The following IMMP1L variants were observed in gnomAD, a reference collection of about 807,000 sequenced individuals.
IMMP1L encodes the protein mitochondrial inner membrane protease subunit 1.
IMMP1L carries 24 observed loss-of-function variants against 21.8 expected under a neutral mutation model. The observed-to-expected ratio is 1.10, with a 90% CI of 0.80 to 1.55. The LOEUF (loss-of-function observed/expected upper bound fraction) is 1.55, where lower values mean the gene tolerates loss of function less well. Ranked by LOEUF, IMMP1L falls within the 40% of genes most tolerant of loss-of-function variation. IMMP1L has a pLI of 0.00. For missense variants in IMMP1L, 195 were observed against 200.7 expected (o/e 0.97, Z 0.17); for synonymous variants, 46 against 62.8 (o/e 0.73, Z 1.26).
intron 5 of IMMP1L, 81 bp from the exon 6 acceptor site, chr11:31,432,649 C>G: frequency 1.1e-6 from 1 of 930,028 alleles, no homozygotes; most frequent in East Asian, 2.4e-5. Flanking sequence ...CTATCTGTCC[C>G]TTTTCTCTAT....
intron 1 of IMMP1L, among the ~76,000 whole-genome samples, chr11:31,498,749 T>C (rs1220205401): frequency 2.0e-5 from 3 of 152,224 alleles, no homozygotes. Context: ...TTACGAGCTT[T>C]CTGACCTAGA....
chr11:31,460,541 A>G (rs1345606077), intron 3 of IMMP1L, 85 bp downstream of exon 3: 2 of 736,382 alleles, frequency 2.7e-6, no homozygotes, highest in Non-Finnish European at 4.6e-6. Flanking sequence ...GAGGTTTTAA[A>G]GATAAAGTTA....
In IMMP1L at chr11:31,456,376, C is replaced by T. The variant is rs748539826; in HGVS notation, c.205G>A (p.Val69Met). Residue 69 changes from valine (V) to methionine (M), a missense_variant, in exon 4 of 6, where the codon GTG becomes ATG. Coordinates refer to ENST00000532287, the MANE Select transcript of IMMP1L (RefSeq NM_001304274.2). The stretch of plus-strand genomic sequence containing the variant: ...GGATCACTTGGGCTTTTTGCAATCA[C>T]AATGTCACCTCTGAGGGGGAAAAGT... ...HFYGIQRGDI[V>M]IAKSPSDPKS... The T allele has an allele frequency of 2.5e-6, 4 of 1,611,082 alleles. No individual in the cohort carries two copies. The highest frequency in any genetic ancestry group is 3.4e-6 in the Non-Finnish European group (4 of 1,178,060).
At chr11:31,496,946 A>T (rs1427975371) in intron 1 of IMMP1L, among the ~76,000 whole-genome samples, 1 of 147,522 alleles carries the variant, frequency 6.8e-6, no homozygotes, top group Non-Finnish European at 1.5e-5. Flanking sequence ...TATATCATCT[A>T]TTACGTATAT....
At chr11:31,461,337 T>C (rs1591980880) in intron 2 of IMMP1L, among the ~76,000 whole-genome samples, 1 of 152,114 alleles carries the variant, frequency 6.6e-6, no homozygotes, top group East Asian at 1.9e-4. Context: ...ACACCTGTAA[T>C]CCCAAAACTT....
chr11:31,450,386 C>A (rs1432815893), intron 4 of IMMP1L, among the ~76,000 whole-genome samples: 1 of 145,302 alleles, frequency 6.9e-6, no homozygotes, highest in Non-Finnish European at 1.5e-5. Flanking sequence ...CCTCAATTCC[C>A]CCAATACTTT....
intron 1 of IMMP1L, among the ~76,000 whole-genome samples, chr11:31,496,878 T>C (rs1362721487): frequency 6.8e-6 from 1 of 148,034 alleles, no homozygotes; most frequent in African/African-American, 2.5e-5. Context: ...CTTATATATA[T>C]CTGATATATA....
intron 4 of IMMP1L, among the ~76,000 whole-genome samples, chr11:31,441,744 T>C (rs1370402296): frequency 6.6e-6 from 1 of 152,172 alleles, no homozygotes. Context: ...GATTAACATG[T>C]ATTTTTCTTT....
At chr11:31,492,026 C>A (rs1955272449) in intron 1 of IMMP1L, among the ~76,000 whole-genome samples, 1 of 152,192 alleles carries the variant, frequency 6.6e-6, no homozygotes, top group Non-Finnish European at 1.5e-5. Context: ...CTGGCTTCAA[C>A]TTAAAGACAC....
chr11:31,476,365 T>C (rs1056940752), intron 1 of IMMP1L, among the ~76,000 whole-genome samples: 2 of 152,064 alleles, frequency 1.3e-5, no homozygotes, highest in Non-Finnish European at 2.9e-5. Flanking sequence ...TTGGAACCAG[T>C]TAAACCAAAC....
intron 4 of IMMP1L, among the ~76,000 whole-genome samples, chr11:31,451,572 T>A (rs1041677402): frequency 5.9e-5 from 9 of 152,132 alleles, no homozygotes; most frequent in Non-Finnish European, 1.3e-4. Context: ...CTTCCCCATA[T>A]GATGGGAAGT....
chr11:31,437,443 A>G (rs1449013286), intron 4 of IMMP1L, among the ~76,000 whole-genome samples: 1 of 152,206 alleles, frequency 6.6e-6, no homozygotes, highest in Non-Finnish European at 1.5e-5. Flanking sequence ...TTGGGAGCAT[A>G]TTGGATTTCG....
intron 1 of IMMP1L, among the ~76,000 whole-genome samples, chr11:31,493,036 G>C (rs1398514332): frequency 6.6e-6 from 1 of 152,158 alleles, no homozygotes; most frequent in Admixed American, 6.5e-5. Flanking sequence ...AAATCTTCAA[G>C]TTGTAAAAAA....
chr11:31,484,437 T>C (rs1320607564), intron 1 of IMMP1L, among the ~76,000 whole-genome samples: 1 of 151,880 alleles, frequency 6.6e-6, no homozygotes, highest in Non-Finnish European at 1.5e-5. Flanking sequence ...AATGTTCATA[T>C]AGAAAAAAAA....
At chr11:31,458,649 G>A (rs1025463230) in intron 3 of IMMP1L, among the ~76,000 whole-genome samples, 13 of 152,042 alleles carry the variant, frequency 8.6e-5, no homozygotes, top group African/African-American at 3.1e-4. Context: ...CTGTGCTGTG[G>A]GTAAAAGAAA....
At chr11:31,479,397 G>T (rs1954819667) in intron 1 of IMMP1L, among the ~76,000 whole-genome samples, 1 of 152,006 alleles carries the variant, frequency 6.6e-6, no homozygotes, top group Admixed American at 6.6e-5. Context: ...TGGTATTAGT[G>T]CTATAAAAAA....
chr11:31,445,101 C>G (rs1564970954), intron 4 of IMMP1L, among the ~76,000 whole-genome samples: 1 of 152,154 alleles, frequency 6.6e-6, no homozygotes, highest in Non-Finnish European at 1.5e-5. Context: ...CATTTTAATA[C>G]AGCTTGATCT....
intron 1 of IMMP1L, among the ~76,000 whole-genome samples, chr11:31,501,052 C>G (rs913848965): frequency 2.0e-5 from 3 of 152,152 alleles, no homozygotes; most frequent in Admixed American, 6.5e-5. Flanking sequence ...GTTCCTCTGT[C>G]ATATCAGTCA....
At position 31,499,282 on chromosome 11, in the gene IMMP1L, G is replaced by A. The variant is rs908083039; in HGVS notation, c.-30+10237C>T. ...CAAGAGGCTGAGGCAGGAAAATGGC[G>A]TGAACCCGGGACGCGGAGCTTGCAG... On this transcript the variant is annotated intron_variant, in intron 1 of 5. Transcript: ENST00000532287. Among the ~76,000 whole-genome samples, 9 of 152,128 alleles carry A rather than the reference G, an allele frequency of 5.9e-5. No individual in the cohort carries two copies. The East Asian group carries it at 9.7e-4, about 16-fold the overall frequency.
Sources: gnomAD v4.1 joint callset for allele counts (sites outside exome capture counted in the v4.1 genomes callset) on GRCh38, gnomAD v4.1.1 for gene constraint, MANE v1.5 for transcripts, NCBI Gene and HGNC (gene_info 2026-07-23, HGNC 2026-07-21) for gene names.